The following PSD3 variants were observed in gnomAD, a reference collection of about 807,000 sequenced individuals.
PSD3 encodes the protein PH and SEC7 domain-containing protein 3.
A neutral mutation model predicts 105.5 loss-of-function variants in PSD3; 49 were observed. That is an observed-to-expected ratio of 0.46 (90% CI 0.37 to 0.59). The LOEUF (loss-of-function observed/expected upper bound fraction) is 0.59, where lower values mean the gene tolerates loss of function less well. Among genes scored for constraint, PSD3 ranks in the 20% least tolerant of loss-of-function variants. The pLI is 0.00. For synonymous variants in PSD3, 557 were observed against 457.8 expected (o/e 1.22, Z -2.77); for missense variants, 1,561 against 1,263.8 (o/e 1.24, Z -3.57).
intron 2 of PSD3, among the ~76,000 whole-genome samples, chr8:18,902,626 G>A (rs1003347784): frequency 6.6e-6 from 1 of 151,942 alleles, no homozygotes; most frequent in Non-Finnish European, 1.5e-5. Context: ...CTGGTGGAAC[G>A]GTAGCCTCTT....
intron 8 of PSD3, among the ~76,000 whole-genome samples, chr8:18,781,404 A>G (rs10102776): frequency 0.024 from 3,729 of 152,298 alleles, 141 homozygotes; most frequent in African/African-American, 0.079. Flanking sequence ...AGTACCTCCC[A>G]AGACACAATC....
chr8:18,776,665 C>T (rs537657879), intron 8 of PSD3, among the ~76,000 whole-genome samples: 12 of 152,132 alleles, frequency 7.9e-5, no homozygotes, highest in Admixed American at 1.3e-4. Flanking sequence ...TGTGAGTCAC[C>T]GCATCTGGCC....
intron 1 of PSD3, among the ~76,000 whole-genome samples, chr8:18,984,690 A>C (rs1028456984): frequency 7.2e-5 from 11 of 152,206 alleles, no homozygotes; most frequent in African/African-American, 2.4e-4. Flanking sequence ...GAGGTTTTTA[A>C]ATTTTTTCAC....
chr8:19,033,989 G>A (rs565352144), intron 1 of PSD3, among the ~76,000 whole-genome samples: 39 of 152,260 alleles, frequency 2.6e-4, no homozygotes, highest in South Asian at 1.0e-3. Flanking sequence ...CTAGGGAAAC[G>A]TGATTATATA....
chr8:19,011,611 T>C (rs1826952306), intron 1 of PSD3, among the ~76,000 whole-genome samples: 2 of 152,174 alleles, frequency 1.3e-5, no homozygotes, highest in African/African-American at 2.4e-5. Context: ...TTTTTTAAAT[T>C]ACTAGTATCT....
intron 2 of PSD3, among the ~76,000 whole-genome samples, chr8:18,883,424 G>A (rs1818251587): frequency 6.6e-6 from 1 of 152,152 alleles, no homozygotes; most frequent in African/African-American, 2.4e-5. Flanking sequence ...AAGAGAGGAA[G>A]AGAATTGCCT....
At chr8:18,920,927 A>G (rs763246199) in intron 2 of PSD3, among the ~76,000 whole-genome samples, 2 of 152,206 alleles carry the variant, frequency 1.3e-5, no homozygotes, top group Non-Finnish European at 2.9e-5. Flanking sequence ...TTGTGACACT[A>G]TCATACATGA....
intron 2 of PSD3, among the ~76,000 whole-genome samples, chr8:18,883,870 T>C (rs1458198465): frequency 1.3e-5 from 2 of 152,204 alleles, no homozygotes; most frequent in African/African-American, 4.8e-5. Flanking sequence ...CTGTTTTCCC[T>C]CCTTTCTACA....
At chr8:18,897,816 T>C (rs1298658163) in intron 2 of PSD3, among the ~76,000 whole-genome samples, 1 of 152,204 alleles carries the variant, frequency 6.6e-6, no homozygotes, top group Non-Finnish European at 1.5e-5. Flanking sequence ...TGAATGTTGG[T>C]ATATAGAAAC....
chr8:18,527,806 G>C lies in PSD3; in HGVS notation c.*7937C>G, dbSNP rs1799483404. ...GATGAGGAACAGGTTTCCAGTACGTGTTATAGTACCGCCAGCTTACCCAAA... is the reference window on the plus strand; with the variant it reads ...GATGAGGAACAGGTTTCCAGTACGTCTTATAGTACCGCCAGCTTACCCAAA... On this transcript the variant is annotated 3_prime_UTR_variant, in exon 16 of 16. Transcript: ENST00000327040. 1 of 152,454 alleles carries C rather than the reference G, an allele frequency of 6.6e-6. No homozygotes were observed. The highest frequency in any genetic ancestry group is 1.5e-5 in the Non-Finnish European group (1 of 68,034). The allele number at this position is 152,454 out of a possible 1,614,324, so 9.4% of individuals were successfully genotyped here. A position where few individuals can be genotyped will look rare whatever the true frequency, so the allele number is the denominator to read the frequency against.
At position 18,719,879 on chromosome 8, in the gene PSD3, T is replaced by C. The variant is rs754999886; in HGVS notation, c.2172+45570A>G. Among the ~76,000 whole-genome samples the C allele has an allele frequency of 7.2e-5, 11 of 152,292 alleles. No individual in the cohort carries two copies. The Middle Eastern group carries it at 0.01, about 141-fold the overall frequency. ...GCTTTGTCAAAGATTTTTTAGACAA[T>C]AGTTCTTTTGTATATCAGGCTCTAT... On this transcript the variant is annotated intron_variant, in intron 9 of 15. Coordinates refer to ENST00000327040, the MANE Select transcript of PSD3 (RefSeq NM_015310.4).
chr8:18,908,731 G>T (rs548375984), intron 2 of PSD3, among the ~76,000 whole-genome samples: 1 of 152,086 alleles, frequency 6.6e-6, no homozygotes, highest in African/African-American at 2.4e-5. Context: ...ATGGTTCCTC[G>T]TATGAATGTT....
intron 1 of PSD3, among the ~76,000 whole-genome samples, chr8:19,075,084 T>C (rs1201340167): frequency 6.6e-6 from 1 of 151,940 alleles, no homozygotes; most frequent in African/African-American, 2.4e-5. Flanking sequence ...TAGTTGGGAT[T>C]ACAGGCACAG....
intron 4 of PSD3, among the ~76,000 whole-genome samples, chr8:18,827,147 C>T (rs922521778): frequency 6.6e-6 from 1 of 152,166 alleles, no homozygotes; most frequent in East Asian, 1.9e-4. Context: ...AATACAGCTC[C>T]CTATACCCAG....
intron 9 of PSD3, chr8:18,730,100 C>G (rs1343909713): frequency 6.6e-6 from 1 of 152,152 alleles, no homozygotes; most frequent in Non-Finnish European, 1.5e-5. Flanking sequence ...CAAGTATTGC[C>G]TCTTTCTAAT....
At chr8:18,968,148 C>G (rs1824400620) in intron 1 of PSD3, among the ~76,000 whole-genome samples, 1 of 152,264 alleles carries the variant, frequency 6.6e-6, no homozygotes, top group South Asian at 2.1e-4. Context: ...AAATTCTGCA[C>G]ACGCACACAA....
At chr8:18,724,046 T>C (rs1202731176) in intron 9 of PSD3, among the ~76,000 whole-genome samples, 1 of 152,084 alleles carries the variant, frequency 6.6e-6, no homozygotes, top group Non-Finnish European at 1.5e-5. Context: ...ATACAGAAAA[T>C]TATTCTTTTG....
chr8:18,650,753 G>A (rs1174536896), intron 10 of PSD3, among the ~76,000 whole-genome samples: 1 of 152,186 alleles, frequency 6.6e-6, no homozygotes, highest in African/African-American at 2.4e-5. Flanking sequence ...AAAAACTCTA[G>A]TAATTCTATG....
Position 18,868,022 on chromosome 8 carries a change from A to T in PSD3, c.1286T>A (p.Leu429His), listed in dbSNP as rs760601818. 11 of 1,613,714 alleles carry T rather than the reference A, an allele frequency of 6.8e-6. No individual in the cohort carries two copies. Among genetic ancestry groups the T allele is most frequent in the Non-Finnish European group, 9.3e-6 (11 of 1,179,872 alleles). The change falls in exon 4 of 16, where the codon CTT becomes CAT. Residue 429 changes from leucine (L) to histidine (H), a missense_variant. Transcript: ENST00000327040. ...EHVKGEDEDI[L>H]GPGYTEDSTD... The stretch of plus-strand genomic sequence containing the variant: ...GGAGTCCTCCGTATATCCAGGCCCA[A>T]GGATGTCTTCATCTTCCCCCTTAAC...
Sources: allele counts gnomAD v4.1 joint callset (sites outside exome capture counted in the v4.1 genomes callset), GRCh38; gene constraint gnomAD v4.1.1; transcripts MANE v1.5; gene names NCBI Gene and HGNC (gene_info 2026-07-23, HGNC 2026-07-21).